SLC9A4: variants seen among roughly 807,000 people sequenced by gnomAD.
The protein encoded by SLC9A4 is sodium/hydrogen exchanger 4.
Under a neutral mutation model 67.4 loss-of-function variants are expected in SLC9A4, and 63 were observed. That is an observed-to-expected ratio of 0.93 (90% CI 0.76 to 1.15). The LOEUF is 1.15. SLC9A4 is among the 50% of genes most tolerant of loss of function. The pLI is 0.00. For missense variants in SLC9A4, 1,089 were observed against 987.7 expected (o/e 1.10, Z -1.38); for synonymous variants, 393 against 367.2 (o/e 1.07, Z -0.80).
intron 4 of SLC9A4, among the ~76,000 whole-genome samples, chr2:102,507,151 C>T (rs1685066753): frequency 6.6e-6 from 1 of 152,162 alleles, no homozygotes; most frequent in Admixed American, 6.5e-5. Flanking sequence ...GGTTAAGAAC[C>T]TCGCTCAAGG....
intron 2 of SLC9A4, among the ~76,000 whole-genome samples, chr2:102,489,898 C>T (rs945000298): frequency 1.3e-5 from 2 of 152,118 alleles, no homozygotes; most frequent in East Asian, 1.9e-4. Flanking sequence ...AAGGTGGTTG[C>T]CAATAAACTG....
chr2:102,485,240 A>T (rs1361825005), intron 2 of SLC9A4, among the ~76,000 whole-genome samples: 1 of 152,206 alleles, frequency 6.6e-6, no homozygotes, highest in Non-Finnish European at 1.5e-5. Flanking sequence ...CATAGAAGTC[A>T]TTTATCTATT....
chr2:102,501,898 G>T (rs1304425597), intron 2 of SLC9A4, among the ~76,000 whole-genome samples: 1 of 151,874 alleles, frequency 6.6e-6, no homozygotes, highest in Non-Finnish European at 1.5e-5. Context: ...CTGGCAGGGT[G>T]CAGCATGAGG....
At position 102,512,270 on chromosome 2, in the gene SLC9A4, A is replaced by G. The variant is rs1479616612; in HGVS notation, c.1556A>G (p.Asp519Gly). Residue 519 changes from aspartate (D) to glycine (G), a missense_variant, in exon 7 of 12, where the codon GAC becomes GGC. Coordinates refer to ENST00000295269, the MANE Select transcript of SLC9A4 (RefSeq NM_001011552.4). ...CACTGGAGTCACTACCAAGTGAGAG[A>G]CAAGTAAGGAGGCTGAGGGTTTCAC... ...CGHWSHYQVR[D>G]KFKKFDHRYL... 3.7e-6 allele frequency: 6 copies of G among 1,614,108 alleles called. No homozygotes were observed. The highest frequency in any genetic ancestry group is 1.6e-4 in the Middle Eastern group (1 of 6,062).
chr2:102,484,886 C>T (rs1573329604), intron 2 of SLC9A4, among the ~76,000 whole-genome samples: 1 of 152,280 alleles, frequency 6.6e-6, no homozygotes. Context: ...TCATCCCTCT[C>T]TCCCCTCCTA....
intron 8 of SLC9A4, among the ~76,000 whole-genome samples, chr2:102,514,624 G>A (rs537399318): frequency 6.6e-6 from 1 of 152,166 alleles, no homozygotes; most frequent in Non-Finnish European, 1.5e-5. Context: ...CTTCCCATAA[G>A]CCATTTCTCT....
intron 11 of SLC9A4, among the ~76,000 whole-genome samples, chr2:102,528,902 A>G (rs1052583942): frequency 1.3e-5 from 2 of 152,208 alleles, no homozygotes; most frequent in African/African-American, 4.8e-5. Context: ...ATGAAGGAAA[A>G]ATAAAATTCT....
intron 2 of SLC9A4, among the ~76,000 whole-genome samples, chr2:102,493,911 A>T (rs112469714): frequency 2.6e-5 from 4 of 151,858 alleles, no homozygotes; most frequent in African/African-American, 9.7e-5. Flanking sequence ...ACCCCAGTCT[A>T]TAGACAGACT....
In SLC9A4 at chr2:102,532,554, G is replaced by T. The variant is rs1365295717; in HGVS notation, c.2263G>T (p.Asp755Tyr). Residue 755 changes from aspartate to tyrosine, a missense_variant, in exon 12 of 12, where the codon GAT becomes TAT. Coordinates refer to ENST00000295269, the MANE Select transcript of SLC9A4 (RefSeq NM_001011552.4). ...LRPKPLFHAV[D>Y]EEGESGGESE... Reference sequence around the variant, plus strand: ...ACCCAAACCTCTGTTTCATGCAGTGGATGAGGAGGGTGAGTCTGGAGGGGA... The same window carrying T: ...ACCCAAACCTCTGTTTCATGCAGTGTATGAGGAGGGTGAGTCTGGAGGGGA... 6.2e-7 allele frequency: 1 copy of T among 1,613,994 alleles called. No individual in the cohort carries two copies. The highest frequency in any genetic ancestry group is 8.5e-7 in the Non-Finnish European group (1 of 1,180,006).
rs1179396856 is a variant in SLC9A4, at chr2:102,533,803, T to C, written c.*1115T>C. The C allele has an allele frequency of 6.6e-6, 1 of 151,604 alleles. No homozygotes were observed. Among genetic ancestry groups the C allele is most frequent in the Non-Finnish European group, 1.5e-5 (1 of 67,936 alleles). 9.4% of individuals were successfully genotyped at this position (151,604 alleles called of 1,614,324 possible). ...ATGATGATTTCCAATTTCATCCATGTCCCTACAAAGGACATGAACTCATCA... is the reference window on the plus strand; with the variant it reads ...ATGATGATTTCCAATTTCATCCATGCCCCTACAAAGGACATGAACTCATCA... On this transcript the variant is annotated 3_prime_UTR_variant, in exon 12 of 12. Transcript: ENST00000295269.
At chr2:102,474,280 A>G (rs1368023607) in intron 1 of SLC9A4, among the ~76,000 whole-genome samples, 1 of 152,184 alleles carries the variant, frequency 6.6e-6, no homozygotes, top group Non-Finnish European at 1.5e-5. Flanking sequence ...CAACCATGTG[A>G]CATTGTTGAC....
At chr2:102,512,130 T>C in intron 6 of SLC9A4, 73 bp from the exon 7 acceptor site, 1 of 1,515,036 alleles carries the variant, frequency 6.6e-7, no homozygotes, top group Non-Finnish European at 9.1e-7. Flanking sequence ...TTTTTTAAAG[T>C]GTCTTAGTTG....
rs952402549 is a variant in SLC9A4 at position 102,480,560 on chromosome 2, A to G, written c.720+1258A>G. On this transcript the variant is annotated intron_variant, in intron 2 of 11. Coordinates refer to ENST00000295269, the MANE Select transcript of SLC9A4 (RefSeq NM_001011552.4). ...GAATGCGTCATTCAGGTTGTTTCCAATGTTTCATTCTTACAAGCAATGTTG... is the reference window on the plus strand; with the variant it reads ...GAATGCGTCATTCAGGTTGTTTCCAGTGTTTCATTCTTACAAGCAATGTTG... 3.9e-5 allele frequency among the ~76,000 whole-genome samples: 6 copies of G among 152,140 alleles called. No homozygotes were observed. The South Asian group carries it at 8.3e-4, about 21-fold the overall frequency.
intron 4 of SLC9A4, among the ~76,000 whole-genome samples, chr2:102,506,356 G>T (rs1355073912): frequency 2.0e-5 from 3 of 152,222 alleles, no homozygotes; most frequent in Non-Finnish European, 2.9e-5. Flanking sequence ...TACTCAAAGA[G>T]AAATTAGGTG....
At chr2:102,512,937 A>G (rs773398099) in intron 7 of SLC9A4, among the ~76,000 whole-genome samples, 2 of 151,658 alleles carry the variant, frequency 1.3e-5, no homozygotes, top group Non-Finnish European at 2.9e-5. Context: ...GTGGTCAGAG[A>G]GGCTGGCAGC....
At position 102,521,146 on chromosome 2, in the gene SLC9A4, A is replaced by G. The variant is rs538843699; in HGVS notation, c.1818+1191A>G. On this transcript the variant is annotated intron_variant, in intron 9 of 11. Coordinates refer to ENST00000295269, the MANE Select transcript of SLC9A4 (RefSeq NM_001011552.4). ...GCTAGCTTAGTGAGAGCCAGAACCC[A>G]TAGGGTACCTGGTACTCAGCCTTTT... is the stretch of plus-strand genomic sequence containing the variant. 4.6e-5 allele frequency among the ~76,000 whole-genome samples: 7 copies of G among 152,286 alleles called. No homozygotes were observed. The East Asian group carries it at 1.4e-3, about 29-fold the overall frequency.
intron 1 of SLC9A4, among the ~76,000 whole-genome samples, chr2:102,477,820 A>T (rs767048587): frequency 6.6e-6 from 1 of 152,154 alleles, no homozygotes; most frequent in Non-Finnish European, 1.5e-5. Flanking sequence ...AGTGTGTGGG[A>T]GACAGACTTG....
At chr2:102,488,656 C>G (rs1684636974) in intron 2 of SLC9A4, among the ~76,000 whole-genome samples, 1 of 151,074 alleles carries the variant, frequency 6.6e-6, no homozygotes, top group African/African-American at 2.4e-5. Context: ...TCGCGACATT[C>G]TCCTGCCTCA....
intron 1 of SLC9A4, among the ~76,000 whole-genome samples, chr2:102,478,091 G>A (rs1684370521): frequency 6.6e-6 from 1 of 152,154 alleles, no homozygotes. Flanking sequence ...TCTTAGGTGG[G>A]AATTGAGACA....
Sources: gnomAD v4.1 joint callset for allele counts (sites outside exome capture counted in the v4.1 genomes callset) on GRCh38, gnomAD v4.1.1 for gene constraint, MANE v1.5 for transcripts, NCBI Gene and HGNC (gene_info 2026-07-23, HGNC 2026-07-21) for gene names.